SDHAF4: variants seen among roughly 807,000 people sequenced by gnomAD.
The protein encoded by SDHAF4 is succinate dehydrogenase assembly factor 4, mitochondrial.
Under a neutral mutation model 14.3 loss-of-function variants are expected in SDHAF4, and 14 were observed. That is an observed-to-expected ratio of 0.98 (90% CI 0.65 to 1.53). SDHAF4 has a LOEUF of 1.53. SDHAF4 is among the 40% of genes most tolerant of loss of function. The probability of loss-of-function intolerance (pLI) is 0.00; values close to 1 mark genes in which losing one functional copy is unlikely to be tolerated. For synonymous variants in SDHAF4, 63 were observed against 47.3 expected (o/e 1.33, Z -1.36); for missense variants, 141 against 129.3 (o/e 1.09, Z -0.44).
intron 1 of SDHAF4, among the ~76,000 whole-genome samples, chr6:70,577,808 T>C (rs1049495039): frequency 6.6e-6 from 1 of 152,216 alleles, no homozygotes; most frequent in Non-Finnish European, 1.5e-5. Context: ...AAATTATATG[T>C]GAGAATATGC....
chr6:70,586,453 G>A (rs1168695884), intron 2 of SDHAF4, among the ~76,000 whole-genome samples: 1 of 76,180 alleles, frequency 1.3e-5, no homozygotes, highest in Non-Finnish European at 2.6e-5. Flanking sequence ...TTTTTTTTTG[G>A]CCTACTTCAG....
intron 1 of SDHAF4, among the ~76,000 whole-genome samples, chr6:70,572,825 T>G (rs75151002): frequency 6.6e-6 from 1 of 152,170 alleles, no homozygotes; most frequent in Admixed American, 6.5e-5. Context: ...TGTGTGCACA[T>G]GCATGCACAG....
chr6:70,575,787 G>T (rs1365995012), intron 1 of SDHAF4, among the ~76,000 whole-genome samples: 1 of 151,690 alleles, frequency 6.6e-6, no homozygotes, highest in African/African-American at 2.4e-5. Context: ...TTTTCTTCTT[G>T]TCTATTATGT....
chr6:70,586,643 C>A (rs1029753864), intron 2 of SDHAF4, among the ~76,000 whole-genome samples: 1 of 151,806 alleles, frequency 6.6e-6, no homozygotes, highest in Non-Finnish European at 1.5e-5. Context: ...TCATATGATA[C>A]GTATTAAGTA....
downstream of SDHAF4, among the ~76,000 whole-genome samples, chr6:70,590,256 CAAAGA>C (rs768391402): frequency 6.6e-6 from 1 of 151,680 alleles, no homozygotes; most frequent in African/African-American, 2.4e-5. Flanking sequence ...AAATAAAAAG[CAAAGA>C]AAAGAAAAGC....
At chr6:70,567,080 G>A (rs1304381223) in intron 1 of SDHAF4, 76 bp downstream of exon 1, 2 of 1,399,070 alleles carry the variant, frequency 1.4e-6, no homozygotes, top group Non-Finnish European at 2.0e-6. Context: ...CGCCTCCCGC[G>A]GAGGAAGCCG....
At position 70,572,132 on chromosome 6, in the gene SDHAF4, G is replaced by T. The variant is rs191466328; in HGVS notation, c.64+5128G>T. Reference sequence around the variant, plus strand: ...CGCCCAGGCTGGAGCGCAGTGGTGCGATCTTGGCTCACTGCAACCTCCACC... The same window carrying T: ...CGCCCAGGCTGGAGCGCAGTGGTGCTATCTTGGCTCACTGCAACCTCCACC... On this transcript the variant is annotated intron_variant, in intron 1 of 2. Coordinates refer to ENST00000370474, the MANE Select transcript of SDHAF4 (RefSeq NM_145267.3). 6.0e-3 allele frequency among the ~76,000 whole-genome samples: 777 copies of T among 129,534 alleles called. 11 individuals are homozygous for T. Among genetic ancestry groups the T allele is most frequent in the African/African-American group, 0.021 (686 of 32,888 alleles). The allele number at this position is 129,534 out of a possible 152,430, so 85.0% of individuals were successfully genotyped here.
intron 1 of SDHAF4, among the ~76,000 whole-genome samples, chr6:70,573,172 T>C (rs1350935561): frequency 2.0e-5 from 3 of 152,076 alleles, no homozygotes; most frequent in Non-Finnish European, 2.9e-5. Flanking sequence ...TTTTTATTCA[T>C]TTGTCTCTAT....
intron 2 of SDHAF4, among the ~76,000 whole-genome samples, chr6:70,583,596 C>A (rs1765165388): frequency 6.6e-6 from 1 of 152,180 alleles, no homozygotes; most frequent in African/African-American, 2.4e-5. Flanking sequence ...GTTGTCCAAT[C>A]TCTTGGCTTC....
At chr6:70,578,594 T>TTTGTTG (rs111845670) in intron 1 of SDHAF4, among the ~76,000 whole-genome samples, 7 of 151,954 alleles carry the variant, frequency 4.6e-5, no homozygotes, top group Middle Eastern at 3.4e-3. Context: ...CATTTGTCAA[T>TTTGTTG]TTGTTGTTGT....
the SDHAF4 span, among the ~76,000 whole-genome samples, chr6:70,595,835 C>CA: frequency 0.19 from 18,706 of 98,302 alleles, 1,503 homozygotes; most frequent in Middle Eastern, 0.26. Context: ...GACTCTATCT[C>CA]AAAAAAAAAA....
In SDHAF4 at chr6:70,584,012, GGTTGTTGTT is replaced by G. The variant is rs113227748; in HGVS notation, c.217+4468_217+4476del. Among the ~76,000 whole-genome samples the G allele has an allele frequency of 3.3e-3, 497 of 151,446 alleles. 9 individuals carry two copies. Among genetic ancestry groups the G allele is most frequent in the Middle Eastern group, 3.4e-3 (1 of 294 alleles). ...CCATGTTAAATATACAGTTGAGTGA[GGTTGTTGTT>G]GTTGTTGTTGTTGTTGTTGTTTGAG... On this transcript the variant is annotated intron_variant, in intron 2 of 2. Coordinates refer to ENST00000370474, the MANE Select transcript of SDHAF4 (RefSeq NM_145267.3).
chr6:70,590,791 G>A (rs7341224), downstream of SDHAF4, among the ~76,000 whole-genome samples: 4 of 151,890 alleles, frequency 2.6e-5, no homozygotes, highest in East Asian at 3.9e-4. Flanking sequence ...CAATAGGAGA[G>A]AGAGAGATTA....
chr6:70,579,370 A>G (rs939652147), intron 1 of SDHAF4, 44 bp from the exon 2 acceptor site: 2 of 1,346,096 alleles, frequency 1.5e-6, no homozygotes, highest in Non-Finnish European at 2.0e-6. Flanking sequence ...TTAAAGTGGA[A>G]TAAATGAACA....
chr6:70,575,811 A>C (rs1022038780), intron 1 of SDHAF4, among the ~76,000 whole-genome samples: 1 of 152,036 alleles, frequency 6.6e-6, no homozygotes, highest in African/African-American at 2.4e-5. Flanking sequence ...TGTAAACACA[A>C]TTCTAAATAG....
chr6:70,579,697 G>A, intron 2 of SDHAF4, 131 bp downstream of exon 2: 1 of 659,546 alleles, frequency 1.5e-6, no homozygotes, highest in Non-Finnish European at 2.3e-6. Context: ...TTTCAACAAT[G>A]AGTAAAATCA....
chr6:70,594,241 G>A (rs1466934025), downstream of SDHAF4, among the ~76,000 whole-genome samples: 1 of 152,176 alleles, frequency 6.6e-6, no homozygotes, highest in Non-Finnish European at 1.5e-5. Context: ...ATTTGTATGT[G>A]ATAAGGACAT....
chr6:70,590,098 C>T (rs1424846615), downstream of SDHAF4, among the ~76,000 whole-genome samples: 1 of 152,034 alleles, frequency 6.6e-6, no homozygotes, highest in Non-Finnish European at 1.5e-5. Context: ...ACTAGCTGGG[C>T]GTGGTGGTGC....
Position 70,579,524 on chromosome 6 carries a change from G to T in SDHAF4, c.175G>T (p.Asp59Tyr). 1.2e-6 allele frequency: 2 copies of T among 1,610,992 alleles called. No individual in the cohort carries two copies. The highest frequency in any genetic ancestry group is 1.7e-6 in the Non-Finnish European group (2 of 1,178,362). ...KKPKLPEGRF[D>Y]APEDSHLEKE... ...GCCGAAGTTACCAGAAGGTCGTTTTGATGCACCAGAGGATTCCCATTTAGA... is the reference window on the plus strand; with the variant it reads ...GCCGAAGTTACCAGAAGGTCGTTTTTATGCACCAGAGGATTCCCATTTAGA... Residue 59 changes from aspartate to tyrosine, a missense_variant, in exon 2 of 3, where the codon GAT becomes TAT. Asp to Tyr is a radical substitution (Grantham distance 160). Transcript: ENST00000370474.
Sources: allele counts gnomAD v4.1 joint callset (sites outside exome capture counted in the v4.1 genomes callset), GRCh38; gene constraint gnomAD v4.1.1; transcripts MANE v1.5; gene names NCBI Gene and HGNC (gene_info 2026-07-23, HGNC 2026-07-21).